Variants in VWA8 observed in about 807,000 individuals in gnomAD.
VWA8 encodes the protein von Willebrand factor A domain-containing protein 8.
A neutral mutation model predicts 241.5 loss-of-function variants in VWA8; 221 were observed. That is an observed-to-expected ratio of 0.91 (90% CI 0.82 to 1.02). The LOEUF is 1.02. Ranked by LOEUF, VWA8 falls within the 50% of genes least tolerant of loss-of-function variation. The pLI, the probability that VWA8 is intolerant of heterozygous loss-of-function variation, is 0.00. For missense variants in VWA8, 2,322 were observed against 2,328.7 expected (o/e 1.00, Z 0.06); for synonymous variants, 852 against 827.1 (o/e 1.03, Z -0.52).
intron 26 of VWA8, among the ~76,000 whole-genome samples, chr13:41,707,916 G>A (rs1056071281): frequency 4.0e-5 from 6 of 151,868 alleles, no homozygotes; most frequent in African/African-American, 1.5e-4. Context: ...TTACACTTCT[G>A]GGTTTCCACA....
intron 17 of VWA8, among the ~76,000 whole-genome samples, chr13:41,790,185 G>A (rs892116865): frequency 1.3e-5 from 2 of 152,002 alleles, no homozygotes; most frequent in African/African-American, 2.4e-5. Flanking sequence ...AAAACTGAAT[G>A]CCAGCTTCTA....
At chr13:41,758,694 T>C (rs954936693) in intron 21 of VWA8, among the ~76,000 whole-genome samples, 13 of 151,080 alleles carry the variant, frequency 8.6e-5, no homozygotes, top group Admixed American at 8.6e-4. Context: ...TGCTTTATTG[T>C]GCTAGCTGGC....
intron 40 of VWA8, among the ~76,000 whole-genome samples, chr13:41,596,788 T>TACACACACACACACAC (rs142774673): frequency 7.3e-6 from 1 of 136,930 alleles, no homozygotes; most frequent in Non-Finnish European, 1.6e-5. Context: ...AACCAGAAAG[T>TACACACACACACACAC]ACACACACAC....
chr13:41,887,440 T>TAGG, intron 5 of VWA8, 79 bp from the exon 6 acceptor site: 1 of 1,442,392 alleles, frequency 6.9e-7, no homozygotes, highest in Non-Finnish European at 9.4e-7. Flanking sequence ...TCCAGGGACT[T>TAGG]AGGACTTGAC....
chr13:41,568,784 C>G (rs191103578), intron 44 of VWA8, among the ~76,000 whole-genome samples: 1 of 152,300 alleles, frequency 6.6e-6, no homozygotes, highest in East Asian at 1.9e-4. Flanking sequence ...TTCTTTGCCT[C>G]TCTCTCTTTT....
chr13:41,575,892 A>G (rs2044348315), intron 42 of VWA8, 54 bp from the exon 43 acceptor site: 7 of 1,333,510 alleles, frequency 5.2e-6, no homozygotes, highest in African/African-American at 1.5e-5. Context: ...AAGAACAGTC[A>G]TTAGATCTTT....
intron 21 of VWA8, among the ~76,000 whole-genome samples, chr13:41,746,045 T>G (rs1001223607): frequency 5.3e-5 from 8 of 152,104 alleles, no homozygotes; most frequent in Non-Finnish European, 1.0e-4. Flanking sequence ...TTGGAAGTGG[T>G]GGTTAAAGGA....
chr13:41,627,406 C>CGTT (rs1319520185), intron 37 of VWA8, among the ~76,000 whole-genome samples: 1 of 152,128 alleles, frequency 6.6e-6, no homozygotes, highest in Non-Finnish European at 1.5e-5. Context: ...CACCCTCCAC[C>CGTT]GTTAACATAT....
Position 41,833,395 on chromosome 13 carries a change from G to T in VWA8, c.1562C>A (p.Ala521Glu), listed in dbSNP as rs370489685. 6.2e-7 allele frequency: 1 copy of T among 1,612,446 alleles called. No individual in the cohort carries two copies. Among genetic ancestry groups the T allele is most frequent in the Admixed American group, 1.7e-5 (1 of 59,636 alleles). ...VLLDGIHRVN[A>E]GTLAVLQRLI... ...CCTTTGCAATACAGCAAGCGTGCCC[G>T]CATTCACCCGGTGAATGCCATCCAG... The change falls in exon 13 of 45, where the codon GCG becomes GAG. Residue 521 changes from alanine to glutamate, a missense_variant. Transcript: ENST00000379310.
At chr13:41,921,179 C>CA (rs1876514103) in intron 2 of VWA8, among the ~76,000 whole-genome samples, 1 of 152,106 alleles carries the variant, frequency 6.6e-6, no homozygotes, top group Admixed American at 6.5e-5. Flanking sequence ...CAACCAAAGA[C>CA]AAAAAACCAC....
intron 2 of VWA8, among the ~76,000 whole-genome samples, chr13:41,949,018 T>A (rs1593891314): frequency 6.0e-5 from 4 of 67,216 alleles, no homozygotes; most frequent in Admixed American, 1.9e-4. Context: ...CAAGCAAAAC[T>A]AATCTACCAT....
At chr13:41,833,330 G>T (rs1393866900) in intron 13 of VWA8, 41 bp downstream of exon 13, 2 of 1,558,744 alleles carry the variant, frequency 1.3e-6, no homozygotes, top group Non-Finnish European at 1.7e-6. Context: ...AAGTCAGAGT[G>T]GGGTGTGTGT....
rs561780860 is a variant in VWA8, at chr13:41,920,400, T to C, written c.242-8232A>G. Among the ~76,000 whole-genome samples the C allele has an allele frequency of 2.6e-5, 4 of 152,004 alleles. 1 individual carries two copies. The South Asian group carries it at 8.3e-4, about 32-fold the overall frequency. Reference sequence around the variant, plus strand: ...TGCTTCAGAGGCAAGAGCAAACACATTCAAAAGCTAGCAGAAGGGAAGAAA... The same window carrying C: ...TGCTTCAGAGGCAAGAGCAAACACACTCAAAAGCTAGCAGAAGGGAAGAAA... On this transcript the variant is annotated intron_variant, in intron 2 of 44. Coordinates refer to ENST00000379310, the MANE Select transcript of VWA8 (RefSeq NM_015058.2).
chr13:41,653,447 A>G (rs1246297814), intron 37 of VWA8, among the ~76,000 whole-genome samples: 1 of 152,230 alleles, frequency 6.6e-6, no homozygotes, highest in Non-Finnish European at 1.5e-5. Flanking sequence ...ATGCTCATGG[A>G]TAGGAAGAAT....
rs531068041 is a variant in VWA8, at chr13:41,947,107, T to G, written c.241+2829A>C. ...ACCAACTCCCACACTGTTCCTTGGC[T>G]ATAAACTACCACTTGCCCATGCTGC... On this transcript the variant is annotated intron_variant, in intron 2 of 44. Transcript: ENST00000379310. Among the ~76,000 whole-genome samples the G allele has an allele frequency of 2.0e-4, 30 of 152,368 alleles. No homozygotes were observed. The South Asian group carries it at 5.8e-3, about 29-fold the overall frequency.
chr13:41,932,207 C>A (rs1000285777), intron 2 of VWA8, among the ~76,000 whole-genome samples: 67 of 151,734 alleles, frequency 4.4e-4, no homozygotes, highest in African/African-American at 1.6e-3. Context: ...ATGTATTCCA[C>A]AACTTAGAAG....
At chr13:41,802,967 G>C (rs1870022882) in intron 17 of VWA8, among the ~76,000 whole-genome samples, 2 of 152,348 alleles carry the variant, frequency 1.3e-5, no homozygotes, top group East Asian at 1.9e-4. Context: ...AGCATGGAGA[G>C]AGAGATTCCA....
intron 12 of VWA8, among the ~76,000 whole-genome samples, chr13:41,860,878 C>A (rs895025431): frequency 6.6e-6 from 1 of 151,998 alleles, no homozygotes; most frequent in Non-Finnish European, 1.5e-5. Context: ...CTATGAAAAC[C>A]TGACACAGAA....
intron 21 of VWA8, among the ~76,000 whole-genome samples, chr13:41,748,802 C>A (rs941295161): frequency 3.3e-5 from 5 of 152,104 alleles, no homozygotes; most frequent in Non-Finnish European, 1.5e-5. Flanking sequence ...AACTGGCTAG[C>A]CATATGTAGA....
Sources: gnomAD v4.1 joint callset for allele counts (sites outside exome capture counted in the v4.1 genomes callset) on GRCh38, gnomAD v4.1.1 for gene constraint, MANE v1.5 for transcripts, NCBI Gene and HGNC (gene_info 2026-07-23, HGNC 2026-07-21) for gene names.